Variants in NRG3 observed in about 807,000 individuals in gnomAD.
The protein encoded by NRG3 is pro-neuregulin-3, membrane-bound isoform.
In NRG3, 31 loss-of-function variants were observed where a neutral mutation model predicts 66.9. That is an observed-to-expected ratio of 0.46 (90% CI 0.35 to 0.63). NRG3 has a LOEUF of 0.63. NRG3 is among the 20% of genes least tolerant of loss of function. NRG3 has a pLI of 0.00. For missense variants in NRG3, 910 were observed against 878.9 expected, an observed-to-expected ratio of 1.04 and a Z score of -0.45; for synonymous variants, 393 against 359.4, an observed-to-expected ratio of 1.09 and a Z score of -1.06.
At chr10:82,860,572 A>G (rs981640070) in intron 3 of NRG3, among the ~76,000 whole-genome samples, 7 of 152,242 alleles carry the variant, frequency 4.6e-5, no homozygotes, top group African/African-American at 1.7e-4. Flanking sequence ...ACATTACAAC[A>G]ATCTTATAAA....
intron 3 of NRG3, among the ~76,000 whole-genome samples, chr10:82,852,771 C>T (rs1041042871): frequency 7.2e-5 from 11 of 152,156 alleles, no homozygotes; most frequent in African/African-American, 2.2e-4. Context: ...ATCACACTAA[C>T]GGGGTGCCGA....
intron 2 of NRG3, among the ~76,000 whole-genome samples, chr10:82,730,305 C>T (rs1430759917): frequency 6.6e-6 from 1 of 151,802 alleles, no homozygotes; most frequent in South Asian, 2.1e-4. Context: ...AGGATGGTCT[C>T]GATCTCCTGA....
intron 2 of NRG3, among the ~76,000 whole-genome samples, chr10:82,725,653 G>C (rs963757954): frequency 6.6e-6 from 1 of 152,106 alleles, no homozygotes; most frequent in Non-Finnish European, 1.5e-5. Context: ...ATAAAATACA[G>C]TACACCTGTT....
intron 3 of NRG3, among the ~76,000 whole-genome samples, chr10:82,764,274 A>T (rs1442102151): frequency 4.0e-5 from 6 of 151,812 alleles, no homozygotes; most frequent in Non-Finnish European, 7.4e-5. Flanking sequence ...GCCTCAAGTG[A>T]TCTGCCCGCT....
chr10:82,465,995 A>G (rs908224077), intron 2 of NRG3, among the ~76,000 whole-genome samples: 1 of 151,962 alleles, frequency 6.6e-6, no homozygotes, highest in Non-Finnish European at 1.5e-5. Flanking sequence ...GTGCCTTGTG[A>G]TTGCCCAGGC....
At chr10:82,071,518 G>A (rs1399302522) in intron 1 of NRG3, among the ~76,000 whole-genome samples, 1 of 152,148 alleles carries the variant, frequency 6.6e-6, no homozygotes, top group Non-Finnish European at 1.5e-5. Context: ...GGGAGAGCAT[G>A]CTGGATGTGT....
intron 2 of NRG3, among the ~76,000 whole-genome samples, chr10:82,600,474 T>C (rs2133389351): frequency 6.6e-6 from 1 of 152,324 alleles, no homozygotes; most frequent in South Asian, 2.1e-4. Flanking sequence ...CTTATTTATT[T>C]ATTTGCTATT....
At chr10:82,290,790 C>A (rs553010486) in intron 1 of NRG3, among the ~76,000 whole-genome samples, 133 of 144,020 alleles carry the variant, frequency 9.2e-4, no homozygotes, top group African/African-American at 3.5e-3. Flanking sequence ...TCCACCACCA[C>A]GCCTGGCTAA....
chr10:82,856,743 C>CAAAAAAA (rs371581250), intron 3 of NRG3, among the ~76,000 whole-genome samples: 7 of 66,388 alleles, frequency 1.1e-4, no homozygotes, highest in Non-Finnish European at 1.4e-4. Context: ...GACTCTGTCT[C>CAAAAAAA]AAAAAAAAAA....
In NRG3 at chr10:81,973,448, A is replaced by G. The variant is rs11815591; in HGVS notation, c.823+97285A>G. Among the ~76,000 whole-genome samples, 287 of 152,250 alleles carry G rather than the reference A, an allele frequency of 1.9e-3. 1 individual carries two copies. Among genetic ancestry groups the G allele is most frequent in the Middle Eastern group, 6.8e-3 (2 of 294 alleles). On this transcript the variant is annotated intron_variant, in intron 1 of 8. Transcript: ENST00000372141. Reference sequence around the variant, plus strand: ...CAGTAATGGGATTGTTGGGTCAAATAATATTTCTGGTTCTAAATCTTCGAG... The same window carrying G: ...CAGTAATGGGATTGTTGGGTCAAATGATATTTCTGGTTCTAAATCTTCGAG...
intron 1 of NRG3, among the ~76,000 whole-genome samples, chr10:82,212,932 A>C (rs1436612253): frequency 6.6e-6 from 1 of 152,182 alleles, no homozygotes; most frequent in East Asian, 1.9e-4. Flanking sequence ...AGGATTGCAC[A>C]ATTGCAGCTT....
chr10:81,883,464 A>G (rs1269310666), intron 1 of NRG3, among the ~76,000 whole-genome samples: 2 of 152,178 alleles, frequency 1.3e-5, no homozygotes, highest in Non-Finnish European at 2.9e-5. Context: ...TGAATTCAGA[A>G]TTAAGTTTAA....
chr10:82,549,547 C>T (rs1046839108), intron 2 of NRG3, among the ~76,000 whole-genome samples: 2 of 152,144 alleles, frequency 1.3e-5, no homozygotes, highest in African/African-American at 4.8e-5. Context: ...ATTCCCTTTG[C>T]ACCTCTTCCT....
chr10:82,951,509 A>G lies in NRG3; in HGVS notation c.1095A>G (p.Ser365=). 6.2e-7 allele frequency: 1 copy of G among 1,614,000 alleles called. No individual in the cohort carries two copies. The highest frequency in any genetic ancestry group is 8.5e-7 in the Non-Finnish European group (1 of 1,179,878). ...EVYQRQVLSI[S]CIIFGIVIVG... The stretch of plus-strand genomic sequence containing the variant: ...ATCAAAGGCAGGTGCTGTCAATTTC[A>G]TGTATCATCTTTGGAATTGTCATCG... The change falls in exon 5 of 9, where the codon TCA becomes TCG. Residue 365 remains serine (S), a synonymous_variant. Coordinates refer to ENST00000372141, the MANE Select transcript of NRG3 (RefSeq NM_001010848.4).
chr10:82,983,844 C>T (rs2132693360), intron 8 of NRG3, among the ~76,000 whole-genome samples: 1 of 152,276 alleles, frequency 6.6e-6, no homozygotes, highest in Admixed American at 6.5e-5. Context: ...TGATTACAAA[C>T]TCTGTATTAG....
chr10:82,720,332 G>A (rs1462559991), intron 2 of NRG3, among the ~76,000 whole-genome samples: 1 of 151,994 alleles, frequency 6.6e-6, no homozygotes, highest in Non-Finnish European at 1.5e-5. Context: ...AGAGGTTGCA[G>A]TGAGCTGAGA....
At position 82,398,736 on chromosome 10, in the gene NRG3, G is replaced by C. The variant is rs994425368; in HGVS notation, c.953+39868G>C. 1.5e-4 allele frequency among the ~76,000 whole-genome samples: 23 copies of C among 152,084 alleles called. 1 individual carries two copies. The highest frequency in any genetic ancestry group is 5.3e-4 in the African/African-American group (22 of 41,406). Reference sequence around the variant, plus strand: ...ATTTATAGCAAAGCAAGGGTGAGTGGAATTTGAGTACATAATATAGAGAAG... The same window carrying C: ...ATTTATAGCAAAGCAAGGGTGAGTGCAATTTGAGTACATAATATAGAGAAG... On this transcript the variant is annotated intron_variant, in intron 2 of 8. Coordinates refer to ENST00000372141, the MANE Select transcript of NRG3 (RefSeq NM_001010848.4).
intron 1 of NRG3, among the ~76,000 whole-genome samples, chr10:81,908,588 AT>A (rs1482953647): frequency 6.6e-6 from 1 of 152,214 alleles, no homozygotes; most frequent in Non-Finnish European, 1.5e-5. Flanking sequence ...CCCCAGCCAT[AT>A]GATTACGGGG....
intron 4 of NRG3, among the ~76,000 whole-genome samples, chr10:82,930,475 C>T (rs546369897): frequency 2.0e-5 from 3 of 152,200 alleles, no homozygotes; most frequent in African/African-American, 4.8e-5. Context: ...AGTGCCTTTT[C>T]GGATGTGAAC....
Sources: gnomAD v4.1 joint callset for allele counts (sites outside exome capture counted in the v4.1 genomes callset) on GRCh38, gnomAD v4.1.1 for gene constraint, MANE v1.5 for transcripts, NCBI Gene and HGNC (gene_info 2026-07-23, HGNC 2026-07-21) for gene names.